Variants in ARIH2 observed in about 807,000 individuals in gnomAD.
The protein encoded by ARIH2 is E3 ubiquitin-protein ligase ARIH2.
In ARIH2, 12 loss-of-function variants were observed where a neutral mutation model predicts 79.8. The observed-to-expected ratio is 0.15, with a 90% CI of 0.10 to 0.24. The LOEUF (loss-of-function observed/expected upper bound fraction) is 0.24. Among genes scored for constraint, ARIH2 ranks in the 10% least tolerant of loss-of-function variants. The probability of loss-of-function intolerance (pLI) is 1.00; values close to 1 mark genes in which losing one functional copy is unlikely to be tolerated. For synonymous variants in ARIH2, 224 were observed against 213.9 expected (o/e 1.05, Z -0.41); for missense variants, 301 against 618.3 (o/e 0.49, Z 5.44).
chr3:48,954,962 C>T (rs1364052012), intron 3 of ARIH2, among the ~76,000 whole-genome samples: 1 of 152,178 alleles, frequency 6.6e-6, no homozygotes, highest in South Asian at 2.1e-4. Flanking sequence ...CTTTGGGAGG[C>T]CGAGGCAGGA....
chr3:48,929,484 T>C (rs978411916), intron 3 of ARIH2, among the ~76,000 whole-genome samples: 8 of 152,234 alleles, frequency 5.3e-5, no homozygotes, highest in Non-Finnish European at 1.0e-4. Context: ...TTAGGAGTCC[T>C]CAGAGTCTAG....
At chr3:48,963,014 A>T (rs572901283) in intron 4 of ARIH2, among the ~76,000 whole-genome samples, 1 of 152,152 alleles carries the variant, frequency 6.6e-6, no homozygotes, top group African/African-American at 2.4e-5. Flanking sequence ...GATTACCAGC[A>T]CTTGCCACCA....
chr3:48,954,913 T>C (rs1268037042), intron 3 of ARIH2, among the ~76,000 whole-genome samples: 2 of 152,168 alleles, frequency 1.3e-5, no homozygotes, highest in African/African-American at 2.4e-5. Context: ...AAAGCATTCA[T>C]AGTGCCGGGT....
chr3:48,973,759 C>T lies in ARIH2; in HGVS notation c.831C>T (p.Leu277=), dbSNP rs201717036. 2.0e-5 allele frequency: 33 copies of T among 1,614,102 alleles called. No homozygotes were observed. In the South Asian group the frequency reaches 3.4e-4, roughly 17 times the overall value. The change falls in exon 9 of 16, where the codon CTC becomes CTT. Residue 277 remains leucine (L), a synonymous_variant. Transcript: ENST00000356401. ...ACTGTGCCACAATCCGGAAATGGCT[C>T]ACGAAGTGTGCAGACGACTCTGAAA... ...PTDCATIRKW[L]TKCADDSETA...
intron 3 of ARIH2, 47 bp downstream of exon 3, chr3:48,927,860 A>T: frequency 6.3e-7 from 1 of 1,594,820 alleles, no homozygotes; most frequent in Non-Finnish European, 8.6e-7. Flanking sequence ...AGTTAAATCT[A>T]AGGATGAGCT....
chr3:48,951,130 T>C (rs2089908477), intron 3 of ARIH2, among the ~76,000 whole-genome samples: 1 of 151,908 alleles, frequency 6.6e-6, no homozygotes, highest in African/African-American at 2.4e-5. Context: ...GCCCAGCTAA[T>C]TTTTTGTACT....
intron 3 of ARIH2, among the ~76,000 whole-genome samples, chr3:48,930,471 A>C (rs2086219278): frequency 6.6e-6 from 1 of 152,128 alleles, no homozygotes; most frequent in Admixed American, 6.6e-5. Context: ...CTACAGAGCA[A>C]GACCTTATCT....
At chr3:48,969,487 TC>T (rs953422830) in intron 7 of ARIH2, among the ~76,000 whole-genome samples, 1 of 150,348 alleles carries the variant, frequency 6.7e-6, no homozygotes, top group African/African-American at 2.4e-5. Flanking sequence ...TTTTTCTTTT[TC>T]TTCTTTTTTT....
At chr3:48,931,405 C>T (rs928544322) in intron 3 of ARIH2, among the ~76,000 whole-genome samples, 1 of 151,922 alleles carries the variant, frequency 6.6e-6, no homozygotes, top group Non-Finnish European at 1.5e-5. Flanking sequence ...AAAAATTAGT[C>T]GGGTGTGGTG....
rs1214762601 is a variant in ARIH2, at chr3:48,984,568, T to G, written c.*1298T>G. On this transcript the variant is annotated 3_prime_UTR_variant, in exon 16 of 16. Coordinates refer to ENST00000356401, the MANE Select transcript of ARIH2 (RefSeq NM_006321.4). ...GCAAGGGAACAAGTGGTTTGCCTGG[T>G]GTCCTACCTGTCCTGAACCTGGTCC... is the stretch of plus-strand genomic sequence containing the variant. 6.6e-6 allele frequency: 1 copy of G among 152,244 alleles called. No individual in the cohort carries two copies. Among genetic ancestry groups the G allele is most frequent in the Non-Finnish European group, 1.5e-5 (1 of 68,076 alleles). The allele number at this position is 152,244 out of a possible 1,614,324, so 9.4% of individuals were successfully genotyped here.
intron 3 of ARIH2, among the ~76,000 whole-genome samples, chr3:48,937,544 T>C (rs1311504022): frequency 1.3e-5 from 2 of 152,176 alleles, no homozygotes; most frequent in African/African-American, 4.8e-5. Context: ...AGGTCCATAT[T>C]TTTTCTTTAC....
chr3:48,952,379 A>G (rs1009779795), intron 3 of ARIH2, among the ~76,000 whole-genome samples: 1 of 152,202 alleles, frequency 6.6e-6, no homozygotes, highest in African/African-American at 2.4e-5. Flanking sequence ...TTGTCCTGTC[A>G]ATACTGGAGA....
At chr3:48,980,824 C>G (rs2092717518) in intron 13 of ARIH2, among the ~76,000 whole-genome samples, 1 of 151,664 alleles carries the variant, frequency 6.6e-6, no homozygotes, top group African/African-American at 2.4e-5. Flanking sequence ...AGTTTGAGAC[C>G]AGCCTGGCCA....
At chr3:48,983,017 G>A in intron 15 of ARIH2, 38 bp downstream of exon 15, 8 of 1,585,534 alleles carry the variant, frequency 5.0e-6, no homozygotes, top group Non-Finnish European at 6.9e-6. Context: ...TATATTGCAG[G>A]TAGAGGACTG....
intron 3 of ARIH2, among the ~76,000 whole-genome samples, chr3:48,952,062 T>A (rs1442994980): frequency 6.6e-6 from 1 of 152,224 alleles, no homozygotes; most frequent in East Asian, 1.9e-4. Context: ...GGACCTTTTT[T>A]AATATATACA....
chr3:48,954,349 A>C (rs1458325100), intron 3 of ARIH2, among the ~76,000 whole-genome samples: 1 of 152,008 alleles, frequency 6.6e-6, no homozygotes, highest in Non-Finnish European at 1.5e-5. Context: ...AGGCAGGAGA[A>C]TGGCGTGAAC....
At chr3:48,942,495 C>T (rs970489180) in intron 3 of ARIH2, among the ~76,000 whole-genome samples, 4 of 151,444 alleles carry the variant, frequency 2.6e-5, no homozygotes, top group African/African-American at 7.3e-5. Context: ...AGTTTGATCT[C>T]TTATTTTCCT....
At chr3:48,935,653 A>G (rs143873847) in intron 3 of ARIH2, among the ~76,000 whole-genome samples, 2 of 152,346 alleles carry the variant, frequency 1.3e-5, no homozygotes, top group East Asian at 3.9e-4. Flanking sequence ...CCTCATCTGT[A>G]AAATAATGAT....
chr3:48,921,574 C>G (rs894184231), intron 1 of ARIH2: 4 of 151,258 alleles, frequency 2.6e-5, no homozygotes, highest in Non-Finnish European at 4.4e-5. Flanking sequence ...GCTGGGATTA[C>G]AGGTATGCGC....
Sources: gnomAD v4.1 joint callset for allele counts (sites outside exome capture counted in the v4.1 genomes callset) on GRCh38, gnomAD v4.1.1 for gene constraint, MANE v1.5 for transcripts, NCBI Gene and HGNC (gene_info 2026-07-23, HGNC 2026-07-21) for gene names.